The following ERAP1 variants were observed in gnomAD, a reference collection of about 807,000 sequenced individuals.
The protein encoded by ERAP1 is endoplasmic reticulum aminopeptidase 1, also known as adipocyte-derived leucine aminopeptidase.
ERAP1 carries 86 observed loss-of-function variants against 103.7 expected under a neutral mutation model. The observed-to-expected ratio is 0.83, with a 90% confidence interval of 0.70 to 0.99. ERAP1 has a LOEUF of 0.99. ERAP1 is among the 50% of genes least tolerant of loss of function. The pLI is 0.00. For synonymous variants in ERAP1, 398 were observed against 402.4 expected (o/e 0.99, Z 0.13); for missense variants, 1,009 against 1,128.4 (o/e 0.89, Z 1.52).
upstream of ERAP1, among the ~76,000 whole-genome samples, chr5:96,811,160 CT>C (rs147597504): frequency 2.0e-5 from 3 of 152,008 alleles, no homozygotes; most frequent in Admixed American, 2.0e-4. Context: ...AAGAGGATGA[CT>C]TTTTTCCCCC....
the ERAP1 span, among the ~76,000 whole-genome samples, chr5:96,821,862 A>G: frequency 6.6e-6 from 1 of 152,352 alleles, no homozygotes; most frequent in African/African-American, 2.4e-5. Flanking sequence ...AATTTGTGAG[A>G]TACACAGCTA....
intron 19 of ERAP1, chr5:96,768,404 G>C: frequency 2.2e-6 from 1 of 456,352 alleles, no homozygotes; most frequent in South Asian, 1.6e-5. Flanking sequence ...TTAAACTGTA[G>C]AATGAATCAA....
At chr5:96,794,130 C>CT (rs1777051249) in intron 5 of ERAP1, among the ~76,000 whole-genome samples, 173 bp from the exon 6 acceptor site, 1 of 137,496 alleles carries the variant, frequency 7.3e-6, no homozygotes, top group Non-Finnish European at 1.5e-5. Flanking sequence ...CTCAGCATCA[C>CT]TTTGCTATAA....
At chr5:96,843,364 G>A in the ERAP1 span, among the ~76,000 whole-genome samples, 6 of 152,158 alleles carry the variant, frequency 3.9e-5, no homozygotes, top group Non-Finnish European at 7.3e-5. Flanking sequence ...CCATCCAAAT[G>A]TCTTATTGGT....
chr5:96,797,731 G>A (rs980899654), intron 3 of ERAP1, among the ~76,000 whole-genome samples: 4 of 152,146 alleles, frequency 2.6e-5, no homozygotes, highest in Non-Finnish European at 4.4e-5. Flanking sequence ...AGACATTAAC[G>A]TCAAACAGTT....
chr5:96,890,449 C>G, the ERAP1 span, among the ~76,000 whole-genome samples: 2 of 152,194 alleles, frequency 1.3e-5, no homozygotes, highest in Non-Finnish European at 2.9e-5. Context: ...GCCATGCAGC[C>G]CAGTTTCTAA....
intron 10 of ERAP1, 127 bp downstream of exon 10, chr5:96,790,169 T>C: frequency 1.2e-6 from 1 of 812,796 alleles, no homozygotes. Context: ...ATAGTTTAAA[T>C]GCAGTCTTAT....
chr5:96,871,468 A>G, the ERAP1 span, among the ~76,000 whole-genome samples: 6 of 152,224 alleles, frequency 3.9e-5, no homozygotes, highest in African/African-American at 1.2e-4. Context: ...CCAAAACATT[A>G]CTGATTTGGT....
chr5:96,895,199 A>T, the ERAP1 span: 30 of 1,194,156 alleles, frequency 2.5e-5, no homozygotes, highest in Middle Eastern at 2.0e-4. Flanking sequence ...AAAGTTAATA[A>T]TTTTTATTTG....
the ERAP1 span, chr5:96,908,991 T>C: frequency 1.9e-6 from 3 of 1,614,178 alleles, no homozygotes; most frequent in Non-Finnish European, 2.5e-6. Context: ...ACAAAGCTCT[T>C]GACATGACTT....
chr5:96,925,528 C>T, the ERAP1 span, among the ~76,000 whole-genome samples: 1 of 152,212 alleles, frequency 6.6e-6, no homozygotes, highest in African/African-American at 2.4e-5. Flanking sequence ...GCAGGATTAT[C>T]TGAGGACCAC....
chr5:96,776,453 A>T lies in ERAP1; in HGVS notation c.2769T>A (p.Asp923Glu), dbSNP rs773740864. 8 of 1,614,084 alleles carry T rather than the reference A, an allele frequency of 5.0e-6. No individual in the cohort carries two copies. Among genetic ancestry groups the T allele is most frequent in the Middle Eastern group, 1.6e-4 (1 of 6,062 alleles). The change falls in exon 19 of 19, where the codon GAT (aspartate) becomes GAA (glutamate). Residue 923 changes from aspartate to glutamate, a missense_variant. Asp to Glu is a conservative substitution (Grantham distance 45, BLOSUM62 2). Transcript: ENST00000443439. ...ETIEENIGWM[D>E]KNFDKIRVWL... ...ACACTCTGATTTTATCAAAATTCTTATCCATCCAACCGATGTTTTCTTCAA... is the reference window on the plus strand; with the variant it reads ...ACACTCTGATTTTATCAAAATTCTTTTCCATCCAACCGATGTTTTCTTCAA...
chr5:96,786,422 T>TC (rs760957952), intron 12 of ERAP1, 48 bp downstream of exon 12: 1 of 1,280,502 alleles, frequency 7.8e-7, no homozygotes, highest in South Asian at 1.2e-5. Context: ...ATCCTACACA[T>TC]TTTCACATTC....
the ERAP1 span, chr5:96,912,911 G>A: frequency 3.7e-6 from 3 of 815,786 alleles, no homozygotes; most frequent in Non-Finnish European, 5.7e-6. Context: ...ATCAGAATGT[G>A]TATGGCTTTA....
chr5:96,896,643 T>C, the ERAP1 span: 5 of 361,068 alleles, frequency 1.4e-5, no homozygotes, highest in Admixed American at 1.3e-4. Context: ...ACATCACACA[T>C]GTTCCGTAAA....
rs1172292495 is a variant in ERAP1, at chr5:96,803,768, T to A, written c.159A>T (p.Arg53=). The change falls in exon 2 of 19, where the codon CGA becomes CGT. Residue 53 remains arginine, a synonymous_variant. Transcript: ENST00000443439. ...GAACTGGGATGACGTACTCAGGAAG[T>A]CGTATTTTATTCCAAGGAAATGGTG... The part of the protein sequence containing the change: ...DGTPFPWNKI[R]LPEYVIPVHY... The A allele has an allele frequency of 6.2e-7, 1 of 1,614,126 alleles. No homozygotes were observed. The highest frequency in any genetic ancestry group is 8.5e-7 in the Non-Finnish European group (1 of 1,180,036).
At chr5:96,814,960 A>G in the ERAP1 span, among the ~76,000 whole-genome samples, 3 of 152,212 alleles carry the variant, frequency 2.0e-5, no homozygotes, top group Non-Finnish European at 2.9e-5. Context: ...TAGGCCTAAC[A>G]CCAAATATTC....
At chr5:96,842,301 C>G in the ERAP1 span, among the ~76,000 whole-genome samples, 15 of 152,118 alleles carry the variant, frequency 9.9e-5, no homozygotes, top group African/African-American at 3.6e-4. Context: ...GAATAGGTAC[C>G]CAGTAGTAGG....
In ERAP1 at chr5:96,803,800, C is replaced by G. The variant is rs746628901; in HGVS notation, c.127G>C (p.Asp43His). 1 of 1,614,166 alleles carries G rather than the reference C, an allele frequency of 6.2e-7. No individual in the cohort carries two copies. Among genetic ancestry groups the G allele is most frequent in the South Asian group, 1.1e-5 (1 of 91,084 alleles). The change falls in exon 2 of 19, where the codon GAT becomes CAT. Residue 43 changes from aspartate to histidine, a missense_variant. Coordinates refer to ENST00000443439, the MANE Select transcript of ERAP1 (RefSeq NM_001040458.3). ...TTATTCCAAGGAAATGGTGTCCCAT[C>G]ACTACGTTTTGGAGATGCTTCAGTG... ...QSTEASPKRS[D>H]GTPFPWNKIR...
Sources: gnomAD v4.1 joint callset for allele counts (sites outside exome capture counted in the v4.1 genomes callset) on GRCh38, gnomAD v4.1.1 for gene constraint, MANE v1.5 for transcripts, NCBI Gene and HGNC (gene_info 2026-07-23, HGNC 2026-07-21) for gene names.